ASTN2: variants seen among roughly 807,000 people sequenced by gnomAD.
The protein encoded by ASTN2 is astrotactin-2.
In ASTN2, 54 loss-of-function variants were observed where a neutral mutation model predicts 139.8. That is an observed-to-expected ratio of 0.39 (90% CI 0.31 to 0.48). The LOEUF (loss-of-function observed/expected upper bound fraction) is 0.48, where lower values mean the gene tolerates loss of function less well. Among genes scored for constraint, ASTN2 ranks in the 20% least tolerant of loss-of-function variants. The pLI, the probability that ASTN2 is intolerant of heterozygous loss-of-function variation, is 0.95. For synonymous variants in ASTN2, 756 were observed against 719.5 expected (o/e 1.05, Z -0.81); for missense variants, 1,565 against 1,725.1 (o/e 0.91, Z 1.64).
chr9:116,887,324 T>G (rs764683434), intron 10 of ASTN2, among the ~76,000 whole-genome samples: 1 of 151,886 alleles, frequency 6.6e-6, no homozygotes, highest in Non-Finnish European at 1.5e-5. Flanking sequence ...AGTCAGGGAC[T>G]CAGGGACTGA....
At chr9:116,945,367 A>C (rs926091798) in intron 10 of ASTN2, among the ~76,000 whole-genome samples, 9 of 152,184 alleles carry the variant, frequency 5.9e-5, no homozygotes, top group African/African-American at 2.2e-4. Flanking sequence ...ATGTTCTGTG[A>C]GTAATGAAAT....
rs11340280 is a variant in ASTN2 at position 116,694,627 on chromosome 9, ATT to A, written c.2806+31142_2806+31143del. Among the ~76,000 whole-genome samples the A allele has an allele frequency of 7.5e-3, 964 of 128,022 alleles. 13 individuals carry two copies. The highest frequency in any genetic ancestry group is 0.025 in the African/African-American group (842 of 33,766). The allele number at this position is 128,022 out of a possible 152,430, so 84.0% of individuals were successfully genotyped here. A position where few individuals can be genotyped will look rare whatever the true frequency, so the allele number is the denominator to read the frequency against. On this transcript the variant is annotated intron_variant, in intron 16 of 22. Transcript: ENST00000313400. ...AGGCGCCTGCCACCACGCCCAGCTA[ATT>A]TTTTTTTTTTTTTTTGTATTTTTAG...
chr9:117,033,754 C>T (rs1026342666), intron 6 of ASTN2, among the ~76,000 whole-genome samples: 3 of 152,062 alleles, frequency 2.0e-5, no homozygotes, highest in Middle Eastern at 3.2e-3. Context: ...TTTCATACCA[C>T]GTCATCTATG....
intron 3 of ASTN2, among the ~76,000 whole-genome samples, chr9:117,152,919 A>C (rs1011578823): frequency 1.3e-5 from 2 of 152,174 alleles, no homozygotes; most frequent in Admixed American, 1.3e-4. Context: ...ACTACATGAC[A>C]GTTATTAGTT....
intron 1 of ASTN2, among the ~76,000 whole-genome samples, chr9:117,388,935 G>A (rs971205697): frequency 6.6e-6 from 1 of 152,152 alleles, no homozygotes; most frequent in African/African-American, 2.4e-5. Context: ...TTTATTCAAT[G>A]TGCAAAGAAA....
rs1406409596 is a variant in ASTN2 at position 116,442,627 on chromosome 9, G to C, written c.3498-74C>G. The C allele has an allele frequency of 6.0e-6, 7 of 1,164,316 alleles. No homozygotes were observed. The African/African-American group carries it at 9.0e-5, about 15-fold the overall frequency. The allele number at this position is 1,164,316 out of a possible 1,614,324, so 72.1% of individuals were successfully genotyped here. A position where few individuals can be genotyped will look rare whatever the true frequency, so the allele number is the denominator to read the frequency against. On this transcript the variant is annotated intron_variant, in intron 20 of 22. Coordinates refer to ENST00000313400, the MANE Select transcript of ASTN2 (RefSeq NM_001365068.1). The stretch of plus-strand genomic sequence containing the variant: ...GCCCTGGGAGTTGCAGGGAAGAACA[G>C]AGAGTCATGGCACATGAGGCTACAG...
intron 7 of ASTN2, among the ~76,000 whole-genome samples, chr9:116,981,781 C>A (rs1836518638): frequency 1.3e-5 from 2 of 152,112 alleles, no homozygotes; most frequent in Non-Finnish European, 2.9e-5. Context: ...ATTTGAAATA[C>A]CCTTAAGTAC....
chr9:117,219,228 T>C lies in ASTN2; in HGVS notation c.631-4486A>G, dbSNP rs143328943. The stretch of plus-strand genomic sequence containing the variant: ...AGGCTTCTGTCCTGGTCCACACCCA[T>C]AGAATTACATACTCCCTTCTTTAAC... On this transcript the variant is annotated intron_variant, in intron 2 of 22. Coordinates refer to ENST00000313400, the MANE Select transcript of ASTN2 (RefSeq NM_001365068.1). Among the ~76,000 whole-genome samples, 596 of 152,240 alleles carry C rather than the reference T, an allele frequency of 3.9e-3. 3 individuals carry two copies. Among genetic ancestry groups the C allele is most frequent in the African/African-American group, 0.011 (466 of 41,554 alleles).
chr9:116,944,947 C>T (rs1023125554), intron 10 of ASTN2, among the ~76,000 whole-genome samples: 16 of 152,234 alleles, frequency 1.1e-4, no homozygotes, highest in Admixed American at 8.5e-4. Context: ...TTGCTTATAT[C>T]AGAAAGTCCA....
chr9:116,914,892 C>CACCA (rs1254467867), intron 10 of ASTN2, among the ~76,000 whole-genome samples: 1 of 152,168 alleles, frequency 6.6e-6, no homozygotes, highest in African/African-American at 2.4e-5. Context: ...GAGAAGCAAT[C>CACCA]ACCAGCTCAA....
chr9:116,587,378 T>C (rs1046345906), intron 19 of ASTN2, among the ~76,000 whole-genome samples: 5 of 148,184 alleles, frequency 3.4e-5, no homozygotes, highest in African/African-American at 1.0e-4. Flanking sequence ...CACACTGTTA[T>C]AGAAGATCAG....
At chr9:116,789,844 T>G (rs1470242922) in intron 13 of ASTN2, among the ~76,000 whole-genome samples, 1 of 151,830 alleles carries the variant, frequency 6.6e-6, no homozygotes, top group Non-Finnish European at 1.5e-5. Flanking sequence ...CACAGATCCC[T>G]GGATTCATGT....
At chr9:116,586,812 T>TCACACACACACACACACACACACACACA (rs141414264) in intron 19 of ASTN2, among the ~76,000 whole-genome samples, 4 of 79,938 alleles carry the variant, frequency 5.0e-5, no homozygotes, top group African/African-American at 2.9e-4. Flanking sequence ...CAGTTGAAAT[T>TCACACACACACACACACACACACACACA]CACACACACA....
At chr9:116,873,340 C>A (rs1182575907) in intron 10 of ASTN2, among the ~76,000 whole-genome samples, 1 of 152,194 alleles carries the variant, frequency 6.6e-6, no homozygotes, top group East Asian at 1.9e-4. Flanking sequence ...GTGGCACAAG[C>A]CACAGGTAGG....
chr9:116,727,013 A>AACACACACAC (rs34050784), intron 15 of ASTN2, among the ~76,000 whole-genome samples: 12 of 144,422 alleles, frequency 8.3e-5, no homozygotes, highest in African/African-American at 2.4e-4. Flanking sequence ...CACTACACTC[A>AACACACACAC]ACACACACAC....
At chr9:117,396,980 C>T (rs1830695690) in intron 1 of ASTN2, among the ~76,000 whole-genome samples, 1 of 139,664 alleles carries the variant, frequency 7.2e-6, no homozygotes, top group Admixed American at 7.6e-5. Flanking sequence ...CTCGCTTTGT[C>T]ACCCAGGCTA....
chr9:117,164,941 C>T (rs905005186), intron 3 of ASTN2, among the ~76,000 whole-genome samples: 11 of 152,064 alleles, frequency 7.2e-5, no homozygotes, highest in African/African-American at 2.2e-4. Context: ...TAAATAACTT[C>T]TTATTATGGC....
chr9:116,614,260 A>C (rs1011920115), intron 19 of ASTN2, among the ~76,000 whole-genome samples: 2 of 152,184 alleles, frequency 1.3e-5, no homozygotes, highest in Non-Finnish European at 2.9e-5. Context: ...ATGCTCATGG[A>C]TAGGAAGAAT....
Position 117,343,015 on chromosome 9 carries a change from G to GAAT in ASTN2, c.443-51505_443-51503dup, listed in dbSNP as rs571299510. 1.1e-4 allele frequency among the ~76,000 whole-genome samples: 17 copies of GAAT among 152,276 alleles called. No individual in the cohort carries two copies. In the East Asian group the frequency reaches 3.3e-3, roughly 29 times the overall value. ...ATTGGCTTCCAAAGTTAGGCAAGGG[G>GAAT]AATAGTTCCCCCCTCACTGCATCTC... On this transcript the variant is annotated intron_variant, in intron 1 of 22. Transcript: ENST00000313400.
Sources: allele counts gnomAD v4.1 joint callset (sites outside exome capture counted in the v4.1 genomes callset), GRCh38; gene constraint gnomAD v4.1.1; transcripts MANE v1.5; gene names NCBI Gene and HGNC (gene_info 2026-07-23, HGNC 2026-07-21).